The following OCIAD2 variants were observed in gnomAD, a reference collection of about 807,000 sequenced individuals.
OCIAD2 encodes OCIA domain-containing protein 2.
OCIAD2 carries 29 observed loss-of-function variants against 22.9 expected under a neutral mutation model. That is an observed-to-expected ratio of 1.27 (90% CI 0.94 to 1.73). The LOEUF is 1.73. OCIAD2 is among the 40% of genes most tolerant of loss of function. The probability of loss-of-function intolerance (pLI) is 0.00; values close to 1 mark genes in which losing one functional copy is unlikely to be tolerated. For missense variants in OCIAD2, 189 were observed against 180.3 expected (o/e 1.05, Z -0.28); for synonymous variants, 67 against 60.2 (o/e 1.11, Z -0.52).
intron 5 of OCIAD2, 106 bp from the exon 6 acceptor site, chr4:48,892,995 T>C (rs1331719805): frequency 2.3e-5 from 15 of 642,020 alleles, no homozygotes; most frequent in Non-Finnish European, 4.2e-5. Flanking sequence ...AGGACCACGC[T>C]AAATCAATGA....
intron 2 of OCIAD2, among the ~76,000 whole-genome samples, chr4:48,903,944 C>G (rs2109686094): frequency 6.6e-6 from 1 of 151,890 alleles, no homozygotes; most frequent in Admixed American, 6.6e-5. Context: ...CGCGCCCAGC[C>G]AAGAAAGAGT....
chr4:48,900,226 C>T lies in OCIAD2; in HGVS notation c.67-301G>A, dbSNP rs7682222. Among the ~76,000 whole-genome samples the T allele has an allele frequency of 3.1e-3, 476 of 152,300 alleles. 1 individual carries two copies. The highest frequency in any genetic ancestry group is 0.011 in the African/African-American group (446 of 41,564). ...ATCCCTGCTGAGGCCACATTTCCTT[C>T]CCTACCTCCATGCCTCTATGTGGTT... On this transcript the variant is annotated intron_variant, in intron 2 of 6. Transcript: ENST00000508632.
intron 1 of OCIAD2, among the ~76,000 whole-genome samples, chr4:48,905,740 C>T (rs1234399522): frequency 1.3e-5 from 2 of 152,226 alleles, no homozygotes; most frequent in Admixed American, 1.3e-4. Flanking sequence ...GACCCGTACT[C>T]GCACCAAGTT....
chr4:48,898,341 T>C (rs1781344456), intron 3 of OCIAD2, among the ~76,000 whole-genome samples: 1 of 152,198 alleles, frequency 6.6e-6, no homozygotes, highest in Non-Finnish European at 1.5e-5. Flanking sequence ...CTCTTTCTAA[T>C]TTTTCCTTTT....
chr4:48,893,667 C>T (rs1489754682), intron 5 of OCIAD2: 1 of 169,148 alleles, frequency 5.9e-6, no homozygotes, highest in Non-Finnish European at 1.3e-5. Flanking sequence ...TAAGGATGGT[C>T]TAAGAAGAAG....
At chr4:48,900,351 C>T (rs1781389259) in intron 2 of OCIAD2, among the ~76,000 whole-genome samples, 1 of 152,142 alleles carries the variant, frequency 6.6e-6, no homozygotes, top group Non-Finnish European at 1.5e-5. Flanking sequence ...CCCTATAGCA[C>T]AATATTTAGA....
intron 4 of OCIAD2, among the ~76,000 whole-genome samples, chr4:48,896,470 A>G (rs1270551585): frequency 3.9e-5 from 6 of 152,030 alleles, no homozygotes; most frequent in African/African-American, 1.4e-4. Flanking sequence ...GCATGTGTCT[A>G]TAGACCCAGC....
intron 2 of OCIAD2, among the ~76,000 whole-genome samples, chr4:48,902,818 C>T (rs2249306): frequency 0.076 from 11,624 of 152,086 alleles, 472 homozygotes; most frequent in Non-Finnish European, 0.089. Context: ...TCAGGCATGG[C>T]GGCAGGTGCC....
At position 48,885,520 on chromosome 4, in the gene OCIAD2, T is replaced by C; in HGVS notation, c.429A>G (p.Leu143=). Residue 143 remains leucine (L), a synonymous_variant, in exon 7 of 7, where the codon TTA becomes TTG. Transcript: ENST00000508632. The stretch of plus-strand genomic sequence containing the variant: ...AAGGCTGAGAGTCTCCCTTCTCACT[T>C]AATCCATGCTTTATTTTGCATTCCT... The part of the protein sequence containing the change: ...TCEECKIKHG[L]SEKGDSQPSA... The C allele has an allele frequency of 1.2e-6, 2 of 1,611,584 alleles. No homozygotes were observed. The highest frequency in any genetic ancestry group is 1.7e-6 in the Non-Finnish European group (2 of 1,177,640).
chr4:48,892,624 T>C (rs999531682), intron 6 of OCIAD2, 148 bp downstream of exon 6: 32 of 482,280 alleles, frequency 6.6e-5, no homozygotes, highest in Non-Finnish European at 1.1e-4. Context: ...ATTATTGAAG[T>C]TGGGTAACAA....
chr4:48,898,495 C>G (rs1183354230), intron 3 of OCIAD2, among the ~76,000 whole-genome samples: 1 of 152,180 alleles, frequency 6.6e-6, no homozygotes, highest in Non-Finnish European at 1.5e-5. Flanking sequence ...CTTGAACACT[C>G]ATACTCAAGA....
At chr4:48,891,455 G>A (rs2109670287) in intron 6 of OCIAD2, among the ~76,000 whole-genome samples, 1 of 152,274 alleles carries the variant, frequency 6.6e-6, no homozygotes, top group South Asian at 2.1e-4. Context: ...CAGTGGGAAG[G>A]CAAAATGAAA....
intron 2 of OCIAD2, among the ~76,000 whole-genome samples, chr4:48,902,135 G>T (rs1170086969): frequency 7.9e-5 from 12 of 151,930 alleles, no homozygotes. Flanking sequence ...TTCCTTGTTT[G>T]TGAATTATTT....
In OCIAD2 at chr4:48,904,552, T is replaced by A. The variant is rs1256667248; in HGVS notation, c.-3A>T. ...CCACGAGCAGACGCTGAAGCCATGA[T>A]GACTTTGTGCTTGCTCTCCTTCCAG... On this transcript the variant is annotated 5_prime_UTR_variant, in exon 2 of 7. Coordinates refer to ENST00000508632, the MANE Select transcript of OCIAD2 (RefSeq NM_001014446.3). 2 of 1,614,078 alleles carry A rather than the reference T, an allele frequency of 1.2e-6. No homozygotes were observed. The highest frequency in any genetic ancestry group is 3.3e-5 in the Admixed American group (2 of 60,034).
Position 48,893,993 on chromosome 4 carries a change from T to C in OCIAD2, c.265+13A>G. ...CACCACACTTGGCTTGCTTTTTTAT[T>C]TCTATGACTTACGTGCAACTTTGGG... On this transcript the variant is annotated intron_variant, in intron 5 of 6. Transcript: ENST00000508632. 1 of 1,507,682 alleles carries C rather than the reference T, an allele frequency of 6.6e-7. No homozygotes were observed. Among genetic ancestry groups the C allele is most frequent in the Non-Finnish European group, 8.9e-7 (1 of 1,120,590 alleles). The allele number at this position is 1,507,682 out of a possible 1,614,324, so 93.4% of individuals were successfully genotyped here.
intron 4 of OCIAD2, among the ~76,000 whole-genome samples, chr4:48,896,388 G>A (rs1054611496): frequency 3.9e-5 from 6 of 151,972 alleles, no homozygotes; most frequent in Non-Finnish European, 7.4e-5. Flanking sequence ...TCAGGAGTTC[G>A]AGACCAGCCT....
rs561348352 is a variant in OCIAD2, at chr4:48,896,006, G to A, written c.217+1798C>T. Among the ~76,000 whole-genome samples the A allele has an allele frequency of 9.9e-5, 15 of 152,110 alleles. No individual in the cohort carries two copies. The South Asian group carries it at 2.3e-3, about 23-fold the overall frequency. On this transcript the variant is annotated intron_variant, in intron 4 of 6. Coordinates refer to ENST00000508632, the MANE Select transcript of OCIAD2 (RefSeq NM_001014446.3). ...GAGATCACACCACTGCACTCCAGCC[G>A]GAGCGACAGAGTGAGACTCCATCTA...
At chr4:48,886,998 C>A (rs370395516) in intron 6 of OCIAD2, among the ~76,000 whole-genome samples, 6 of 152,148 alleles carry the variant, frequency 3.9e-5, no homozygotes, top group East Asian at 1.9e-4. Context: ...CCTCTCCAGC[C>A]CCTGTTGTTT....
chr4:48,892,312 G>A (rs1049197280), intron 6 of OCIAD2, among the ~76,000 whole-genome samples: 1 of 152,214 alleles, frequency 6.6e-6, no homozygotes, highest in Admixed American at 6.5e-5. Flanking sequence ...AACTTAGTAA[G>A]TGGTAGAACT....
Sources: allele counts gnomAD v4.1 joint callset (sites outside exome capture counted in the v4.1 genomes callset), GRCh38; gene constraint gnomAD v4.1.1; transcripts MANE v1.5; gene names NCBI Gene and HGNC (gene_info 2026-07-23, HGNC 2026-07-21).